TSBP1: variants seen among roughly 807,000 people sequenced by gnomAD.
TSBP1 encodes the protein testis-expressed basic protein 1.
TSBP1 carries 56 observed loss-of-function variants against 68.8 expected under a neutral mutation model. That is an observed-to-expected ratio of 0.81 (90% confidence interval 0.66 to 1.02). The LOEUF is 1.02. Ranked by LOEUF, TSBP1 falls within the 50% of genes least tolerant of loss-of-function variation. The probability of loss-of-function intolerance (pLI) is 0.00; values close to 1 mark genes in which losing one functional copy is unlikely to be tolerated. For missense variants in TSBP1, 502 were observed against 641.2 expected (o/e 0.78, Z 2.34); for synonymous variants, 171 against 208.7 (o/e 0.82, Z 1.56).
At chr6:32,348,615 A>AT (rs5875358) in intron 9 of TSBP1, among the ~76,000 whole-genome samples, 23,287 of 152,074 alleles carry the variant, frequency 0.15, 2,174 homozygotes, top group East Asian at 0.29. Flanking sequence ...GAGTAAACAC[A>AT]TTTAATGATG....
intron 18 of TSBP1, among the ~76,000 whole-genome samples, chr6:32,318,462 A>G (rs1767212313): frequency 6.6e-6 from 1 of 152,158 alleles, no homozygotes; most frequent in Non-Finnish European, 1.5e-5. Context: ...AATAAAAATA[A>G]AGAAAGCAAG....
In TSBP1 at chr6:32,300,677, T is replaced by TA; in HGVS notation, c.622+2dup. The TA allele has an allele frequency of 6.2e-7, 1 of 1,612,548 alleles. No homozygotes were observed. The highest frequency in any genetic ancestry group is 8.5e-7 in the Non-Finnish European group (1 of 1,179,608). ...GTAAGGCAAGGAAATGATCCAAACT[T>TA]ACTGATTTTTCCAGAACTGTCCACT... On this transcript the variant is annotated splice_region_variant and intron_variant, in intron 21 of 22. Coordinates refer to ENST00000612031, the Ensembl canonical transcript of TSBP1.
At chr6:32,308,546 C>G (rs957516473) in intron 19 of TSBP1, among the ~76,000 whole-genome samples, 18 of 141,618 alleles carry the variant, frequency 1.3e-4, no homozygotes, top group Non-Finnish European at 2.0e-4. Context: ...TGCAGTGAGC[C>G]GAGATCCCGC....
intron 6 of TSBP1, among the ~76,000 whole-genome samples, chr6:32,363,234 C>T (rs183399345): frequency 5.5e-4 from 83 of 152,030 alleles, no homozygotes; most frequent in Middle Eastern, 3.4e-3. Context: ...TCTTTTCATC[C>T]CTTTACTTTC....
intron 19 of TSBP1, among the ~76,000 whole-genome samples, chr6:32,310,761 A>ATATATATATATATATATATATATAT: frequency 4.1e-5 from 6 of 144,806 alleles, no homozygotes; most frequent in African/African-American, 1.5e-4. Context: ...ATATATATAT[A>ATATATATATATATATATATATATAT]TTTTTAATCT....
intron 2 of TSBP1, 111 bp downstream of exon 2, chr6:32,369,786 T>C (rs1015064873): frequency 5.6e-5 from 45 of 800,794 alleles, no homozygotes; most frequent in Admixed American, 3.7e-4. Context: ...TCCCAGAATA[T>C]TGGCAAAGTC....
chr6:32,299,098 G>C (rs907645747), intron 22 of TSBP1, among the ~76,000 whole-genome samples: 3 of 152,230 alleles, frequency 2.0e-5, no homozygotes, highest in Non-Finnish European at 4.4e-5. Flanking sequence ...CAATGTGTTA[G>C]TATGGGAAGA....
chr6:32,339,927 G>A (rs1770148386), intron 9 of TSBP1, among the ~76,000 whole-genome samples: 1 of 152,172 alleles, frequency 6.6e-6, no homozygotes, highest in Non-Finnish European at 1.5e-5. Context: ...AGGGAAAGAT[G>A]AAAAGTTGTA....
chr6:32,337,060 C>T lies in TSBP1; in HGVS notation c.410-425G>A, dbSNP rs1440464157. On this transcript the variant is annotated intron_variant, in intron 11 of 22. Coordinates refer to ENST00000612031, the Ensembl canonical transcript of TSBP1. This position sits in a 1 kb window ranked among gnomAD's most constrained non-coding sequence, Gnocchi z 5.5. ...TAGGATGTGGAGAGGACCCTATATCCTACAGAAGGCCAAAGAACATTAGAG... is the reference window on the plus strand; with the variant it reads ...TAGGATGTGGAGAGGACCCTATATCTTACAGAAGGCCAAAGAACATTAGAG... Among the ~76,000 whole-genome samples, 1 of 152,058 alleles carries T rather than the reference C, an allele frequency of 6.6e-6. No individual in the cohort carries two copies. Among genetic ancestry groups the T allele is most frequent in the Non-Finnish European group, 1.5e-5 (1 of 68,006 alleles).
intron 1 of TSBP1, among the ~76,000 whole-genome samples, chr6:32,371,427 G>A (rs1276995031): frequency 1.3e-5 from 2 of 152,172 alleles, no homozygotes; most frequent in Non-Finnish European, 2.9e-5. Flanking sequence ...TTTTCCTAGT[G>A]CTACGGAGGA....
rs1268597534 is a variant in TSBP1 at position 32,335,664 on chromosome 6, G to A, written c.452-207C>T. On this transcript the variant is annotated intron_variant, in intron 13 of 22. Coordinates refer to ENST00000612031, the Ensembl canonical transcript of TSBP1. The surrounding 1 kb of genome is among the most constrained non-coding windows in gnomAD (Gnocchi z 5.5). ...GCCTCCTCATCTAAAAATCCCTTGT[G>A]TGATGCTGAGAAGCCATTGGAAATC... Among the ~76,000 whole-genome samples the A allele has an allele frequency of 1.3e-5, 2 of 152,168 alleles. No homozygotes were observed. The highest frequency in any genetic ancestry group is 2.4e-5 in the African/African-American group (1 of 41,422).
chr6:32,365,144 G>A lies in TSBP1; in HGVS notation c.217+1023C>T, dbSNP rs867204132. Among the ~76,000 whole-genome samples, 48 of 151,450 alleles carry A rather than the reference G, an allele frequency of 3.2e-4. 1 individual carries two copies. The highest frequency in any genetic ancestry group is 1.1e-3 in the African/African-American group (46 of 41,250). On this transcript the variant is annotated intron_variant, in intron 6 of 22. Transcript: ENST00000612031. The surrounding 1 kb of genome is among the most constrained non-coding windows in gnomAD (Gnocchi z 4.3). ...TAGTCTCAAGAAGTCCTCCTGCCTC[G>A]GCCTCCCAAAGTGCTGGGATTTCAG...
chr6:32,362,958 A>G (rs1320168954), intron 6 of TSBP1, among the ~76,000 whole-genome samples: 1 of 151,982 alleles, frequency 6.6e-6, no homozygotes, highest in Non-Finnish European at 1.5e-5. Flanking sequence ...TGCTCTATTC[A>G]TTGTCAATAA....
intron 20 of TSBP1, among the ~76,000 whole-genome samples, chr6:32,301,176 G>A (rs146305655): frequency 0.061 from 9,277 of 151,918 alleles, 447 homozygotes; most frequent in African/African-American, 0.13. Context: ...CTACAGGTGC[G>A]TGCTACCACA....
At chr6:32,311,569 C>G (rs908696063) in intron 19 of TSBP1, among the ~76,000 whole-genome samples, 43 of 152,260 alleles carry the variant, frequency 2.8e-4, no homozygotes, top group Non-Finnish European at 5.6e-4. Flanking sequence ...TGCTCGCCGG[C>G]CTTGACATGA....
chr6:32,331,037 C>T (rs3129949), intron 15 of TSBP1, among the ~76,000 whole-genome samples: 1 of 151,992 alleles, frequency 6.6e-6, no homozygotes, highest in Non-Finnish European at 1.5e-5. Flanking sequence ...TACTAAATCT[C>T]AGTATTCAGG....
rs967057168 is a variant in TSBP1, at chr6:32,305,382, A to G, written c.581-2753T>C. Reference sequence around the variant, plus strand: ...TTCAGGACTCACATCTTAGTCACAGATTAGAAGAAGTTAATGACTTATGTC... The same window carrying G: ...TTCAGGACTCACATCTTAGTCACAGGTTAGAAGAAGTTAATGACTTATGTC... On this transcript the variant is annotated intron_variant, in intron 19 of 22. Coordinates refer to ENST00000612031, the Ensembl canonical transcript of TSBP1. Among the ~76,000 whole-genome samples, 13 of 152,302 alleles carry G rather than the reference A, an allele frequency of 8.5e-5. No homozygotes were observed. The East Asian group carries it at 2.5e-3, about 29-fold the overall frequency.
intron 19 of TSBP1, among the ~76,000 whole-genome samples, chr6:32,303,309 T>C (rs988102833): frequency 5.2e-5 from 7 of 134,022 alleles, no homozygotes; most frequent in African/African-American, 9.5e-5. Context: ...TCAGTTCTAG[T>C]ACGTGTTTTT....
At position 32,292,944 on chromosome 6, in the gene TSBP1, TA is replaced by T; in HGVS notation, c.*36del. On this transcript the variant is annotated 3_prime_UTR_variant, in exon 23 of 23. Transcript: ENST00000612031. This position sits in a 1 kb window ranked among gnomAD's most constrained non-coding sequence, Gnocchi z 4.1. ...TGTATCTGGAGTATGGGAATCATAA[TA>T]ATCACTTGTCTTATGGGCCTTTAAA... 1 of 1,254,132 alleles carries T rather than the reference TA, an allele frequency of 8.0e-7. No individual in the cohort carries two copies. Among genetic ancestry groups the T allele is most frequent in the Non-Finnish European group, 1.1e-6 (1 of 878,294 alleles). The allele number at this position is 1,254,132 out of a possible 1,614,324, so 77.7% of individuals were successfully genotyped here. A position where few individuals can be genotyped will look rare whatever the true frequency, so the allele number is the denominator to read the frequency against.
Sources: gnomAD v4.1 joint callset for allele counts (sites outside exome capture counted in the v4.1 genomes callset) on GRCh38, gnomAD v4.1.1 for gene constraint, Gnocchi (gnomAD v3.1) non-coding constraint, MANE v1.5 for transcripts, NCBI Gene and HGNC (gene_info 2026-07-23, HGNC 2026-07-21) for gene names.